The following HECW2 variants were observed in gnomAD, a reference collection of about 807,000 sequenced individuals.
The protein encoded by HECW2 is HECT, C2 and WW domain containing E3 ubiquitin protein ligase 2, also known as E3 ubiquitin-protein ligase HECW2.
Under a neutral mutation model 175.2 loss-of-function variants are expected in HECW2, and 61 were observed. That is an observed-to-expected ratio of 0.35 (90% CI 0.28 to 0.43). The LOEUF (loss-of-function observed/expected upper bound fraction) is 0.43, where lower values mean the gene tolerates loss of function less well. Among genes scored for constraint, HECW2 ranks in the 20% least tolerant of loss-of-function variants. The pLI is 1.00. For synonymous variants in HECW2, 671 were observed against 731.0 expected (o/e 0.92, Z 1.32); for missense variants, 1,524 against 2,000.5 (o/e 0.76, Z 4.54).
At chr2:196,441,003 C>G (rs1696024494) in intron 1 of HECW2, among the ~76,000 whole-genome samples, 1 of 152,174 alleles carries the variant, frequency 6.6e-6, no homozygotes, top group African/African-American at 2.4e-5. Flanking sequence ...AAAACAAAAT[C>G]ATTTTTCTTC....
At chr2:196,342,585 A>T (rs919859285) in intron 3 of HECW2, among the ~76,000 whole-genome samples, 9 of 152,182 alleles carry the variant, frequency 5.9e-5, no homozygotes, top group African/African-American at 2.2e-4. Flanking sequence ...ATCACCCAAC[A>T]GAAAAAGGGA....
intron 2 of HECW2, among the ~76,000 whole-genome samples, chr2:196,402,069 C>T (rs910907873): frequency 3.3e-5 from 5 of 151,626 alleles, no homozygotes; most frequent in African/African-American, 7.3e-5. Flanking sequence ...GACGTGGTGG[C>T]GGGCGCCTGT....
At chr2:196,500,350 A>G (rs545042613) in intron 1 of HECW2, among the ~76,000 whole-genome samples, 2 of 152,326 alleles carry the variant, frequency 1.3e-5, no homozygotes, top group Admixed American at 1.3e-4. Flanking sequence ...AGTATGTTGG[A>G]CCACTTCATC....
At chr2:196,569,371 C>CTAAACTAAAATAAACTAAAA (rs375827600) in intron 1 of HECW2, among the ~76,000 whole-genome samples, 1 of 144,208 alleles carries the variant, frequency 6.9e-6, no homozygotes, top group African/African-American at 2.9e-5. Flanking sequence ...CTAAACTAAA[C>CTAAACTAAAATAAACTAAAA]TAAAATAAAA....
At position 196,220,855 on chromosome 2, in the gene HECW2, C is replaced by T. The variant is rs1034339550; in HGVS notation, c.4233G>A (p.Lys1411=). The change falls in exon 25 of 29, where the codon AAG becomes AAA. Residue 1411 remains lysine (K), a synonymous_variant. Transcript: ENST00000644978. ...GTACAACACCCCTCTCAATCCTCCA[C>T]TTCACCATCCTCTCGATGTACTCCT... is the stretch of plus-strand genomic sequence containing the variant. ...NKKEYIERMV[K]WRIERGVVQQ... 1 of 1,614,196 alleles carries T rather than the reference C, an allele frequency of 6.2e-7. No individual in the cohort carries two copies. The highest frequency in any genetic ancestry group is 1.1e-5 in the South Asian group (1 of 91,092).
chr2:196,290,365 T>C (rs1690561820), intron 14 of HECW2: 1 of 152,252 alleles, frequency 6.6e-6, no homozygotes, highest in African/African-American at 2.4e-5. Flanking sequence ...GTATCCTATA[T>C]GTAATTGAAA....
chr2:196,255,960 C>A (rs1689040210), intron 18 of HECW2, among the ~76,000 whole-genome samples: 2 of 152,074 alleles, frequency 1.3e-5, no homozygotes, highest in Admixed American at 6.5e-5. Flanking sequence ...GTACTCCCAG[C>A]TACTCAGGAG....
At chr2:196,571,633 G>A (rs893147521) in intron 1 of HECW2, among the ~76,000 whole-genome samples, 1 of 151,996 alleles carries the variant, frequency 6.6e-6, no homozygotes, top group African/African-American at 2.4e-5. Flanking sequence ...CATGGGAAGC[G>A]GAGGTTGCAG....
chr2:196,554,219 G>C (rs1034102788), intron 1 of HECW2, among the ~76,000 whole-genome samples: 1 of 151,962 alleles, frequency 6.6e-6, no homozygotes, highest in African/African-American at 2.4e-5. Flanking sequence ...CCAGCTACTC[G>C]GGAGGCTGAG....
At chr2:196,279,343 T>A (rs910249796) in intron 14 of HECW2, among the ~76,000 whole-genome samples, 1 of 152,218 alleles carries the variant, frequency 6.6e-6, no homozygotes, top group Non-Finnish European at 1.5e-5. Context: ...CCACCGCGCC[T>A]GGCCGAAACT....
intron 2 of HECW2, among the ~76,000 whole-genome samples, chr2:196,398,392 T>C (rs936260102): frequency 1.3e-5 from 2 of 152,230 alleles, no homozygotes; most frequent in African/African-American, 4.8e-5. Flanking sequence ...GTTATACCAT[T>C]ACTACAGGTC....
intron 1 of HECW2, among the ~76,000 whole-genome samples, chr2:196,479,401 C>A (rs1198784437): frequency 6.6e-6 from 1 of 152,204 alleles, no homozygotes; most frequent in African/African-American, 2.4e-5. Context: ...ATCTCCAGAA[C>A]AAGAAGTGCT....
intron 1 of HECW2, among the ~76,000 whole-genome samples, chr2:196,588,929 C>T (rs927105028): frequency 3.9e-5 from 6 of 152,218 alleles, no homozygotes; most frequent in South Asian, 2.1e-4. Context: ...AGGCCGGTCA[C>T]GGTGGCTCAC....
At chr2:196,351,792 G>C (rs113139902) in intron 2 of HECW2, among the ~76,000 whole-genome samples, 1 of 152,164 alleles carries the variant, frequency 6.6e-6, no homozygotes, top group African/African-American at 2.4e-5. Flanking sequence ...GGGTACACTC[G>C]GGAATTAGAT....
rs1160140452 is a variant in HECW2, at chr2:196,323,915, G to GTTTTTTTTTTTTTTTTTTTT, written c.741+1064_741+1065insAAAAAAAAAAAAAAAAAAAA. 2.9e-5 allele frequency among the ~76,000 whole-genome samples: 2 copies of GTTTTTTTTTTTTTTTTTTTT among 68,798 alleles called. 1 individual carries two copies. Among genetic ancestry groups the GTTTTTTTTTTTTTTTTTTTT allele is most frequent in the Non-Finnish European group, 6.1e-5 (2 of 32,636 alleles). The allele number at this position is 68,798 out of a possible 152,430, so 45.1% of individuals were successfully genotyped here. Reference sequence around the variant, plus strand: ...CCCTTAAGAGTTTTTTTTGTTTTTTGTTTGTTTTTTTTTTTTTTTTTTACC... The same window carrying GTTTTTTTTTTTTTTTTTTTT: ...CCCTTAAGAGTTTTTTTTGTTTTTTGTTTTTTTTTTTTTTTTTTTTTTTGTTTTTTTTTTTTTTTTTTACC... On this transcript the variant is annotated intron_variant, in intron 6 of 28. Coordinates refer to ENST00000644978, the MANE Select transcript of HECW2 (RefSeq NM_001348768.2).
intron 4 of HECW2, 78 bp from the exon 5 acceptor site, chr2:196,329,728 C>A (rs1692288177): frequency 2.6e-6 from 3 of 1,142,798 alleles, no homozygotes; most frequent in East Asian, 4.7e-5. Flanking sequence ...CATGTATGTT[C>A]CTAAATGCAA....
intron 1 of HECW2, among the ~76,000 whole-genome samples, chr2:196,476,941 T>C (rs1281497265): frequency 4.8e-5 from 3 of 62,644 alleles, no homozygotes; most frequent in African/African-American, 7.1e-5. Context: ...CAAGACCCCA[T>C]CTCCACAAAA....
rs191461472 is a variant in HECW2 at position 196,250,291 on chromosome 2, G to C, written c.3529+3629C>G. Among the ~76,000 whole-genome samples, 417 of 152,290 alleles carry C rather than the reference G, an allele frequency of 2.7e-3. 3 individuals carry two copies. Among genetic ancestry groups the C allele is most frequent in the Non-Finnish European group, 3.3e-3 (226 of 68,018 alleles). The stretch of plus-strand genomic sequence containing the variant: ...CCACTCTGCATGATTAAATATCTAA[G>C]CAGACAGCTCTGCAAATCAGGGTTC... On this transcript the variant is annotated intron_variant, in intron 19 of 28. Coordinates refer to ENST00000644978, the MANE Select transcript of HECW2 (RefSeq NM_001348768.2).
At chr2:196,573,114 G>T (rs1293737047) in intron 1 of HECW2, among the ~76,000 whole-genome samples, 1 of 151,978 alleles carries the variant, frequency 6.6e-6, no homozygotes, top group Non-Finnish European at 1.5e-5. Flanking sequence ...ATCTAAAAAA[G>T]AAAACAATCA....
Sources: allele counts gnomAD v4.1 joint callset (sites outside exome capture counted in the v4.1 genomes callset), GRCh38; gene constraint gnomAD v4.1.1; transcripts MANE v1.5; gene names NCBI Gene and HGNC (gene_info 2026-07-23, HGNC 2026-07-21).